Variants in THSD4 observed in about 807,000 individuals in gnomAD.
The protein encoded by THSD4 is thrombospondin type 1 domain containing 4.
THSD4 carries 69 observed loss-of-function variants against 119.0 expected under a neutral mutation model. The ratio of observed to expected loss-of-function variants is 0.58; its 90% confidence interval spans 0.48 to 0.71. The LOEUF is 0.71. Ranked by LOEUF, THSD4 falls within the 30% of genes least tolerant of loss-of-function variation. The pLI is 0.00. For synonymous variants in THSD4, 524 were observed against 540.4 expected (o/e 0.97, Z 0.42); for missense variants, 1,393 against 1,391.1 (o/e 1.00, Z -0.02).
Position 71,338,434 on chromosome 15 carries a change from C to T in THSD4, c.1016-73253C>T, listed in dbSNP as rs561290737. Among the ~76,000 whole-genome samples, 12 of 152,132 alleles carry T rather than the reference C, an allele frequency of 7.9e-5. No individual in the cohort carries two copies. The South Asian group carries it at 2.5e-3, about 32-fold the overall frequency. ...CACATTGCTCCAGTTCATACTCGCG[C>T]GTGGATCCTAGAATTGGGCCATGAG... On this transcript the variant is annotated intron_variant, in intron 6 of 17. Transcript: ENST00000261862.
chr15:71,698,517 A>G (rs571167623), intron 8 of THSD4, among the ~76,000 whole-genome samples: 188 of 151,842 alleles, frequency 1.2e-3, no homozygotes, highest in South Asian at 2.9e-3. Context: ...CCTGATTTCA[A>G]TTGAGATCAG....
At chr15:71,763,236 TC>T (rs201139505) in intron 15 of THSD4, among the ~76,000 whole-genome samples, 4,890 of 151,068 alleles carry the variant, frequency 0.032, 133 homozygotes, top group South Asian at 0.075. Flanking sequence ...ATTTTTTTTT[TC>T]TGTAGATGCG....
chr15:71,471,383 G>A (rs2047577144), intron 7 of THSD4, among the ~76,000 whole-genome samples: 1 of 152,020 alleles, frequency 6.6e-6, no homozygotes, highest in South Asian at 2.1e-4. Flanking sequence ...CTCTGGGGTG[G>A]TAAATGTGCT....
chr15:71,129,960 G>T (rs909436601), intron 1 of THSD4, among the ~76,000 whole-genome samples: 11 of 152,200 alleles, frequency 7.2e-5, no homozygotes, highest in African/African-American at 2.7e-4. Flanking sequence ...ACTGAGTTGG[G>T]ATGTTTTCTG....
At chr15:71,101,172 TA>T (rs1463789238) in intron 1 of THSD4, among the ~76,000 whole-genome samples, 1 of 152,110 alleles carries the variant, frequency 6.6e-6, no homozygotes, top group Non-Finnish European at 1.5e-5. Context: ...TTTCTATTGA[TA>T]TTTTTACTAT....
chr15:71,148,529 T>C (rs548928036), intron 2 of THSD4, among the ~76,000 whole-genome samples: 28 of 152,048 alleles, frequency 1.8e-4, no homozygotes, highest in South Asian at 2.1e-4. Flanking sequence ...TTTTTTTAAG[T>C]TTGGGATTTA....
At chr15:71,640,265 G>C (rs1457049330) in intron 7 of THSD4, among the ~76,000 whole-genome samples, 2 of 150,408 alleles carry the variant, frequency 1.3e-5, no homozygotes, top group Non-Finnish European at 3.0e-5. Context: ...TTTTTTTGTA[G>C]AAATAGGGTT....
intron 17 of THSD4, among the ~76,000 whole-genome samples, chr15:71,774,233 C>T (rs1007662785): frequency 7.9e-5 from 12 of 151,370 alleles, no homozygotes; most frequent in African/African-American, 2.7e-4. Flanking sequence ...ATCACCTGAG[C>T]CCAGGAAGTC....
intron 7 of THSD4, among the ~76,000 whole-genome samples, chr15:71,585,014 A>G (rs924038421): frequency 1.3e-5 from 2 of 152,216 alleles, no homozygotes; most frequent in African/African-American, 4.8e-5. Context: ...TGATATTACA[A>G]TTTATAACTT....
chr15:71,670,102 T>C (rs1305525458), intron 8 of THSD4, among the ~76,000 whole-genome samples: 1 of 152,180 alleles, frequency 6.6e-6, no homozygotes, highest in Non-Finnish European at 1.5e-5. Context: ...ATTATTATAC[T>C]TTAAGTTCTA....
chr15:71,687,766 A>C (rs1567101335), intron 8 of THSD4, among the ~76,000 whole-genome samples: 1 of 31,310 alleles, frequency 3.2e-5, no homozygotes. Flanking sequence ...AAAAAAAAAA[A>C]AAAAAACAAA....
rs956316758 is a variant in THSD4 at position 71,781,984 on chromosome 15, T to C, written c.*4610T>C. The C allele has an allele frequency of 6.6e-6, 1 of 152,280 alleles. No individual in the cohort carries two copies. The highest frequency in any genetic ancestry group is 1.5e-5 in the Non-Finnish European group (1 of 68,100). 9.4% of individuals were successfully genotyped at this position (152,280 alleles called of 1,614,324 possible). A position where few individuals can be genotyped will look rare whatever the true frequency, so the allele number is the denominator to read the frequency against. On this transcript the variant is annotated 3_prime_UTR_variant, in exon 18 of 18. Coordinates refer to ENST00000261862, the MANE Select transcript of THSD4 (RefSeq NM_024817.3). ...CCACTGTGGGACTGAAACCCTGAGC[T>C]GAATGCGGCCTCATGTCTCAGAGAA...
intron 7 of THSD4, among the ~76,000 whole-genome samples, chr15:71,598,672 G>A (rs1255041417): frequency 6.6e-6 from 1 of 152,136 alleles, no homozygotes. Context: ...CACCCAGTGT[G>A]TAGTGCGAGA....
At chr15:71,707,505 A>G (rs2052417389) in intron 8 of THSD4, among the ~76,000 whole-genome samples, 2 of 152,240 alleles carry the variant, frequency 1.3e-5, no homozygotes, top group Admixed American at 6.5e-5. Flanking sequence ...CAAGGCAACT[A>G]ACCACTTTAT....
At chr15:71,490,520 A>G (rs2047900484) in intron 7 of THSD4, among the ~76,000 whole-genome samples, 1 of 143,646 alleles carries the variant, frequency 7.0e-6, no homozygotes, top group Non-Finnish European at 1.5e-5. Flanking sequence ...AGATCGCGCC[A>G]CTGCACTCCA....
intron 6 of THSD4, among the ~76,000 whole-genome samples, chr15:71,338,483 G>T (rs1422660499): frequency 6.6e-6 from 1 of 152,092 alleles, no homozygotes; most frequent in African/African-American, 2.4e-5. Flanking sequence ...TATGTGAACT[G>T]TTATAAATTA....
intron 7 of THSD4, among the ~76,000 whole-genome samples, chr15:71,642,760 T>C (rs2050887390): frequency 7.1e-6 from 1 of 140,272 alleles, no homozygotes; most frequent in Non-Finnish European, 1.5e-5. Context: ...TGAGATCACA[T>C]GGACACAGGA....
chr15:71,121,160 C>G (rs905424378), intron 1 of THSD4, among the ~76,000 whole-genome samples: 20 of 152,016 alleles, frequency 1.3e-4, no homozygotes, highest in Non-Finnish European at 2.2e-4. Context: ...GGGAGCCCAC[C>G]TCCTTTCCCC....
chr15:71,559,402 T>G (rs1047400228), intron 7 of THSD4, among the ~76,000 whole-genome samples: 1 of 152,218 alleles, frequency 6.6e-6, no homozygotes, highest in South Asian at 2.1e-4. Flanking sequence ...TCAGAATGTT[T>G]TATCTGGTAA....
Sources: gnomAD v4.1 joint callset for allele counts (sites outside exome capture counted in the v4.1 genomes callset) on GRCh38, gnomAD v4.1.1 for gene constraint, MANE v1.5 for transcripts, NCBI Gene and HGNC (gene_info 2026-07-23, HGNC 2026-07-21) for gene names.